Variants in C22orf31 observed in about 807,000 individuals in gnomAD.
The protein encoded by C22orf31 is chromosome 22 open reading frame 31, also known as uncharacterized protein C22orf31.
In C22orf31, 11 loss-of-function variants were observed where a neutral mutation model predicts 15.0. That is an observed-to-expected ratio of 0.73 (90% CI 0.46 to 1.21). The LOEUF is 1.21. Ranked by LOEUF, C22orf31 falls within the 50% of genes most tolerant of loss-of-function variation. The pLI, the probability that C22orf31 is intolerant of heterozygous loss-of-function variation, is 0.00. For synonymous variants in C22orf31, 132 were observed against 133.3 expected, an observed-to-expected ratio of 0.99 and a Z score of 0.07; for missense variants, 340 against 347.2, an observed-to-expected ratio of 0.98 and a Z score of 0.17.
upstream of C22orf31, among the ~76,000 whole-genome samples, chr22:29,066,624 G>A (rs1332662161): frequency 5.5e-5 from 7 of 126,894 alleles, no homozygotes; most frequent in South Asian, 1.4e-3. Flanking sequence ...GCAGTGGCAC[G>A]ATCTTGGCTC....
At position 29,059,129 on chromosome 22, in the gene C22orf31, G is replaced by A; in HGVS notation, c.486C>T (p.Asp162=). The part of the protein sequence containing the change: ...KKLTVRQDLE[D]RYAEHVAATQ... ...TGGCAGCCACATGTTCAGCATATCT[G>A]TCCTCAAGATCTTGGCGGACTGTTA... Residue 162 remains aspartate, a synonymous_variant, in exon 3 of 3, where the codon GAC becomes GAT. Transcript: ENST00000216071. The A allele has an allele frequency of 1.2e-6, 2 of 1,613,834 alleles. No individual in the cohort carries two copies. The highest frequency in any genetic ancestry group is 1.7e-6 in the Non-Finnish European group (2 of 1,179,898).
upstream of C22orf31, among the ~76,000 whole-genome samples, chr22:29,065,277 C>T (rs1347593432): frequency 6.6e-6 from 1 of 152,124 alleles, no homozygotes; most frequent in Non-Finnish European, 1.5e-5. Flanking sequence ...CATTCATGTA[C>T]ATCAATCTGG....
intron 1 of C22orf31, among the ~76,000 whole-genome samples, chr22:29,061,369 G>C (rs1267107631): frequency 6.6e-6 from 1 of 152,044 alleles, no homozygotes; most frequent in Admixed American, 6.6e-5. Flanking sequence ...CGGGCTCAAG[G>C]GATTCTTCTG....
the C22orf31 span, chr22:29,073,220 C>T: frequency 1.7e-6 from 2 of 1,173,912 alleles, no homozygotes; most frequent in Non-Finnish European, 2.1e-6. This position sits in a 1 kb window ranked among gnomAD's most constrained non-coding sequence, Gnocchi z 4.4. Context: ...GCCTCGGCCC[C>T]GGACCCGGTG....
chr22:29,070,121 G>A, the C22orf31 span, among the ~76,000 whole-genome samples: 4 of 151,788 alleles, frequency 2.6e-5, no homozygotes, highest in African/African-American at 7.3e-5. Flanking sequence ...AATTTTTTGT[G>A]TTTTTAGTAG....
At chr22:29,059,311 T>G in intron 2 of C22orf31, 129 bp from the exon 3 acceptor site, 1 of 722,506 alleles carries the variant, frequency 1.4e-6, no homozygotes, top group Non-Finnish European at 2.3e-6. Context: ...TGTTCTAGTT[T>G]ACTGAATTCC....
chr22:29,067,366 A>C, the C22orf31 span, among the ~76,000 whole-genome samples: 1 of 151,302 alleles, frequency 6.6e-6, no homozygotes, highest in South Asian at 2.1e-4. Context: ...GCTCTGGACC[A>C]CTCAGTAAGC....
chr22:29,071,198 G>A, the C22orf31 span, among the ~76,000 whole-genome samples: 4 of 152,174 alleles, frequency 2.6e-5, no homozygotes, highest in African/African-American at 9.7e-5. Context: ...CTGGCTGGGT[G>A]AGGGGATGGT....
chr22:29,066,841 G>A, the C22orf31 span, among the ~76,000 whole-genome samples: 35 of 151,974 alleles, frequency 2.3e-4, no homozygotes, highest in African/African-American at 8.0e-4. Flanking sequence ...GATTACAGGC[G>A]GGAGCCACCG....
intron 1 of C22orf31, 120 bp from the exon 2 acceptor site, chr22:29,060,963 T>G: frequency 2.4e-6 from 2 of 830,752 alleles, no homozygotes. Context: ...TCCACCCAGT[T>G]CTTAGAAATT....
chr22:29,058,890 G>C lies in C22orf31; in HGVS notation c.725C>G (p.Ala242Gly), dbSNP rs773173970. The C allele has an allele frequency of 6.2e-7, 1 of 1,614,164 alleles. No individual in the cohort carries two copies. Among genetic ancestry groups the C allele is most frequent in the Admixed American group, 1.7e-5 (1 of 60,020 alleles). Reference sequence around the variant, plus strand: ...AGCCTCCCAGAGCTTTTGTTTAATGGCCTTGCCCAGCTCCAGGCTGTACCT... The same window carrying C: ...AGCCTCCCAGAGCTTTTGTTTAATGCCCTTGCCCAGCTCCAGGCTGTACCT... ...PKRYSLELGKAIKQKLWEALC... is the reference protein window; with the variant it reads ...PKRYSLELGKGIKQKLWEALC... The change falls in exon 3 of 3, where the codon GCC (alanine) becomes GGC (glycine). Residue 242 changes from alanine (A) to glycine (G), a missense_variant. Ala to Gly is a moderately conservative substitution (Grantham distance 60, BLOSUM62 0). Coordinates refer to ENST00000216071, the MANE Select transcript of C22orf31 (RefSeq NM_015370.2).
Position 29,060,594 on chromosome 22 carries a change from G to A in C22orf31, c.253C>T (p.Leu85=), listed in dbSNP as rs893210748. 6.2e-7 allele frequency: 1 copy of A among 1,614,156 alleles called. No homozygotes were observed. Among genetic ancestry groups the A allele is most frequent in the Non-Finnish European group, 8.5e-7 (1 of 1,180,032 alleles). ...GGTGGTGGGCAGCACTTATTCTTCA[G>A]TTGCCGCCTGAGTACAAGCTTAACC... ...SLVKLVLRRQ[L]KNKCCPPPCK... is the part of the protein sequence containing the mutation. The change falls in exon 2 of 3, where the codon CTG becomes TTG. Residue 85 remains leucine, a synonymous_variant. Transcript: ENST00000216071.
chr22:29,073,124 A>G, the C22orf31 span: 2 of 1,034,430 alleles, frequency 1.9e-6, no homozygotes, highest in Non-Finnish European at 2.3e-6. This position sits in a 1 kb window ranked among gnomAD's most constrained non-coding sequence, Gnocchi z 4.4. Flanking sequence ...CCCCGCACTG[A>G]CGGCCCATGG....
chr22:29,062,969 C>G (rs979066254), upstream of C22orf31, among the ~76,000 whole-genome samples: 1 of 151,884 alleles, frequency 6.6e-6, no homozygotes, highest in South Asian at 2.1e-4. Flanking sequence ...AAAATGGCAC[C>G]GGGCTCCTGG....
chr22:29,070,462 A>T, the C22orf31 span, among the ~76,000 whole-genome samples: 1 of 152,198 alleles, frequency 6.6e-6, no homozygotes, highest in Admixed American at 6.5e-5. Context: ...TTGGCCAAAT[A>T]AACTTTGTTT....
Position 29,059,007 on chromosome 22 carries a change from A to G in C22orf31, c.608T>C (p.Leu203Pro), listed in dbSNP as rs2037351660. 1 of 1,614,094 alleles carries G rather than the reference A, an allele frequency of 6.2e-7. No homozygotes were observed. Among genetic ancestry groups the G allele is most frequent in the Admixed American group, 1.7e-5 (1 of 60,014 alleles). ...QKRQQLSEDT[L>P]TIHGLPTEGY... ...CTCTGTGGGGAGACCATGGATGGTT[A>G]GCGTGTCCTCCGACAACTGCTGTCT... The change falls in exon 3 of 3, where the codon CTA (leucine) becomes CCA (proline). Residue 203 changes from leucine (L) to proline (P), a missense_variant. Physicochemically the swap from Leu to Pro is moderately conservative, Grantham distance 98 (BLOSUM62 -3). Transcript: ENST00000216071.
chr22:29,060,232 A>G (rs1001630944), intron 2 of C22orf31, among the ~76,000 whole-genome samples, 183 bp downstream of exon 2: 8 of 138,902 alleles, frequency 5.8e-5, no homozygotes, highest in Non-Finnish European at 9.2e-5. Flanking sequence ...AGGTCTCCCT[A>G]TGTTGCCCAG....
upstream of C22orf31, among the ~76,000 whole-genome samples, chr22:29,066,558 T>C (rs1345771158): frequency 4.5e-3 from 377 of 83,942 alleles, 5 homozygotes; most frequent in African/African-American, 0.014. Flanking sequence ...TTTTTTTTTT[T>C]TTTTTTTTTT....
At chr22:29,061,201 C>T (rs1390764799) in intron 1 of C22orf31, among the ~76,000 whole-genome samples, 1 of 152,166 alleles carries the variant, frequency 6.6e-6, no homozygotes, top group African/African-American at 2.4e-5. Context: ...AGACACTCAA[C>T]CATGCTGCAA....
Sources: allele counts gnomAD v4.1 joint callset (sites outside exome capture counted in the v4.1 genomes callset), GRCh38; gene constraint gnomAD v4.1.1; non-coding constraint Gnocchi (gnomAD v3.1); transcripts MANE v1.5; gene names NCBI Gene and HGNC (gene_info 2026-07-23, HGNC 2026-07-21).